CCDC63: variants seen among roughly 807,000 people sequenced by gnomAD.
CCDC63 encodes the protein coiled-coil domain-containing protein 63.
Under a neutral mutation model 63.6 loss-of-function variants are expected in CCDC63, and 54 were observed. The observed-to-expected ratio is 0.85, with a 90% CI of 0.68 to 1.07. The LOEUF is 1.07. Ranked by LOEUF, CCDC63 falls within the 50% of genes least tolerant of loss-of-function variation. The pLI is 0.00. For synonymous variants in CCDC63, 253 were observed against 266.1 expected, an observed-to-expected ratio of 0.95 and a Z score of 0.48; for missense variants, 637 against 689.6, an observed-to-expected ratio of 0.92 and a Z score of 0.86.
At chr12:110,875,343 G>GATTTAATGCCTGGCATGGT (rs2071116928) in intron 5 of CCDC63, among the ~76,000 whole-genome samples, 2 of 152,312 alleles carry the variant, frequency 1.3e-5, no homozygotes, top group Non-Finnish European at 2.9e-5. Context: ...AAGAATCATA[G>GATTTAATGCCTGGCATGGT]ATTTAATGCC....
At chr12:110,855,657 C>T (rs1227090941) in intron 3 of CCDC63, among the ~76,000 whole-genome samples, 1 of 152,230 alleles carries the variant, frequency 6.6e-6, no homozygotes, top group African/African-American at 2.4e-5. Flanking sequence ...TCTTGGCTCA[C>T]TGCAACCTGT....
At chr12:110,849,561 C>T (rs1053934182) in intron 1 of CCDC63, among the ~76,000 whole-genome samples, 2 of 141,596 alleles carry the variant, frequency 1.4e-5, no homozygotes, top group African/African-American at 5.2e-5. Context: ...TGCAGTGGTG[C>T]GATCTCAGCT....
intron 10 of CCDC63, among the ~76,000 whole-genome samples, chr12:110,902,731 T>A (rs997386064): frequency 1.3e-5 from 2 of 152,106 alleles, no homozygotes. Context: ...TATTTATTAT[T>A]TTTTGAGACA....
At chr12:110,902,480 G>T (rs1036836474) in intron 10 of CCDC63, among the ~76,000 whole-genome samples, 2 of 151,982 alleles carry the variant, frequency 1.3e-5, no homozygotes, top group African/African-American at 4.8e-5. Context: ...CCTGTCCCAT[G>T]CCCAGTTCCT....
At chr12:110,876,832 G>T (rs567768911) in intron 5 of CCDC63, among the ~76,000 whole-genome samples, 1 of 148,446 alleles carries the variant, frequency 6.7e-6, no homozygotes, top group South Asian at 2.1e-4. Flanking sequence ...CCAGGAGTTT[G>T]AGACCAGCCT....
At chr12:110,881,353 C>T in intron 7 of CCDC63, 57 bp downstream of exon 7, 2 of 1,521,346 alleles carry the variant, frequency 1.3e-6, no homozygotes, top group East Asian at 2.4e-5. Flanking sequence ...CCTTCTTTCT[C>T]TCTTTCTCTC....
intron 1 of CCDC63, 91 bp downstream of exon 1, chr12:110,847,196 T>C (rs899702092): frequency 6.6e-6 from 1 of 152,222 alleles, no homozygotes; most frequent in African/African-American, 2.4e-5. Flanking sequence ...CCCAGTCCAT[T>C]CATATCTCGC....
At chr12:110,859,429 C>T (rs1187747583) in intron 4 of CCDC63, among the ~76,000 whole-genome samples, 1 of 151,978 alleles carries the variant, frequency 6.6e-6, no homozygotes, top group African/African-American at 2.4e-5. Context: ...GCCTCAGCCA[C>T]CTGAGTAGCT....
At position 110,866,969 on chromosome 12, in the gene CCDC63, C is replaced by T. The variant is rs1426275004; in HGVS notation, c.370-6873C>T. Among the ~76,000 whole-genome samples the T allele has an allele frequency of 2.0e-3, 249 of 121,858 alleles. 1 individual carries two copies. Among genetic ancestry groups the T allele is most frequent in the African/African-American group, 6.8e-3 (228 of 33,628 alleles). The allele number at this position is 121,858 out of a possible 152,430, so 79.9% of individuals were successfully genotyped here. ...GGGGCTGACCCCCCCACCTCCCTCC[C>T]GGACGGGGCGGCTGGCCGGGCGGGG... is the stretch of plus-strand genomic sequence containing the variant. On this transcript the variant is annotated intron_variant, in intron 4 of 11. Transcript: ENST00000308208.
chr12:110,870,997 T>G (rs4766515), intron 4 of CCDC63, among the ~76,000 whole-genome samples: 2 of 151,888 alleles, frequency 1.3e-5, no homozygotes, highest in Admixed American at 6.6e-5. Context: ...TTGGGGTCAC[T>G]AAGGACCTCG....
At chr12:110,895,280 A>G (rs1172036534) in intron 9 of CCDC63, among the ~76,000 whole-genome samples, 1 of 151,972 alleles carries the variant, frequency 6.6e-6, no homozygotes, top group Non-Finnish European at 1.5e-5. Flanking sequence ...TACCCGGTTA[A>G]TTTTTTGTAT....
At chr12:110,872,036 T>C (rs148070230) in intron 4 of CCDC63, among the ~76,000 whole-genome samples, 1 of 152,352 alleles carries the variant, frequency 6.6e-6, no homozygotes, top group Non-Finnish European at 1.5e-5. Context: ...GATGCCTTAA[T>C]TATAATATAA....
chr12:110,857,418 C>T (rs2070788278), intron 3 of CCDC63, among the ~76,000 whole-genome samples: 1 of 152,158 alleles, frequency 6.6e-6, no homozygotes. Context: ...AGCCACTGCG[C>T]CGGGCCTGTA....
chr12:110,863,245 C>T (rs111354887), intron 4 of CCDC63, among the ~76,000 whole-genome samples: 2 of 147,952 alleles, frequency 1.4e-5, no homozygotes, highest in African/African-American at 2.5e-5. Context: ...CCTTTAGTCT[C>T]GCTTTGAGTG....
chr12:110,860,842 G>A (rs2136656773), intron 4 of CCDC63, among the ~76,000 whole-genome samples: 1 of 152,328 alleles, frequency 6.6e-6, no homozygotes, highest in Non-Finnish European at 1.5e-5. Context: ...ACCCACCTCG[G>A]CCTCCCAAAG....
At chr12:110,892,647 C>T (rs1269166605) in intron 8 of CCDC63, among the ~76,000 whole-genome samples, 3 of 151,964 alleles carry the variant, frequency 2.0e-5, no homozygotes, top group Non-Finnish European at 4.4e-5. Flanking sequence ...GTGAAGCCCC[C>T]ATCTCTAGTA....
At position 110,884,217 on chromosome 12, in the gene CCDC63, G is replaced by A. The variant is rs1285696959; in HGVS notation, c.1041G>A (p.Met347Ile). 1 of 1,614,152 alleles carries A rather than the reference G, an allele frequency of 6.2e-7. No homozygotes were observed. The highest frequency in any genetic ancestry group is 1.7e-5 in the Admixed American group (1 of 60,012). ...ATGTCACGGAGCTCAACAACGACATGGAGATGATGCACAAGAGGACCCAAC... is the reference window on the plus strand; with the variant it reads ...ATGTCACGGAGCTCAACAACGACATAGAGATGATGCACAAGAGGACCCAAC... Reference protein sequence around the residue: ...FTYVTELNNDMEMMHKRTQRI... With the variant: ...FTYVTELNNDIEMMHKRTQRI... Residue 347 changes from methionine (M) to isoleucine (I), a missense_variant, in exon 8 of 12, where the codon ATG becomes ATA. Transcript: ENST00000308208.
chr12:110,857,849 G>A (rs1410296407), intron 3 of CCDC63, among the ~76,000 whole-genome samples: 1 of 152,174 alleles, frequency 6.6e-6, no homozygotes, highest in Admixed American at 6.5e-5. Context: ...GCTCATGTCT[G>A]TAATCTCAGC....
chr12:110,848,986 C>T (rs1378188409), intron 1 of CCDC63, among the ~76,000 whole-genome samples: 2 of 152,196 alleles, frequency 1.3e-5, no homozygotes, highest in African/African-American at 4.8e-5. Context: ...GCTTCTACTC[C>T]TACCTGGAGG....
Sources: gnomAD v4.1 joint callset for allele counts (sites outside exome capture counted in the v4.1 genomes callset) on GRCh38, gnomAD v4.1.1 for gene constraint, MANE v1.5 for transcripts, NCBI Gene and HGNC (gene_info 2026-07-23, HGNC 2026-07-21) for gene names.